The following LINGO2 variants were observed in gnomAD, a reference collection of about 807,000 sequenced individuals.
LINGO2 encodes the protein leucine-rich repeat and immunoglobulin-like domain-containing nogo receptor-interacting protein 2.
In LINGO2, 14 loss-of-function variants were observed where a neutral mutation model predicts 30.6. The ratio of observed to expected loss-of-function variants is 0.46; its 90% confidence interval spans 0.30 to 0.72. The LOEUF (loss-of-function observed/expected upper bound fraction) is 0.72. Among genes scored for constraint, LINGO2 ranks in the 30% least tolerant of loss-of-function variants. The pLI is 0.07. For missense variants in LINGO2, 729 were observed against 751.7 expected (o/e 0.97, Z 0.35); for synonymous variants, 317 against 288.5 (o/e 1.10, Z -1.00).
chr9:28,197,862 T>TA (rs145482154), intron 4 of LINGO2, among the ~76,000 whole-genome samples: 13 of 150,246 alleles, frequency 8.7e-5, no homozygotes, highest in Admixed American at 2.6e-4. Context: ...AAATTTGCAT[T>TA]AAAAAAAAAG....
At chr9:28,634,194 G>A (rs1385400531) in intron 1 of LINGO2, among the ~76,000 whole-genome samples, 3 of 152,084 alleles carry the variant, frequency 2.0e-5, no homozygotes, top group Admixed American at 6.6e-5. Flanking sequence ...TCTCACATAT[G>A]TTCCACTTGT....
the LINGO2 span, among the ~76,000 whole-genome samples, chr9:28,995,588 C>G: frequency 6.6e-6 from 1 of 152,072 alleles, no homozygotes; most frequent in Non-Finnish European, 1.5e-5. Context: ...TATTGCCGCA[C>G]TATTCACAAT....
At chr9:28,759,451 G>A in the LINGO2 span, among the ~76,000 whole-genome samples, 1 of 151,994 alleles carries the variant, frequency 6.6e-6, no homozygotes, top group African/African-American at 2.4e-5. Flanking sequence ...GGGAGGACGA[G>A]GCGGGTGGAT....
intron 4 of LINGO2, among the ~76,000 whole-genome samples, chr9:28,054,493 ATATATTAGG>A (rs1263473173): frequency 1.3e-5 from 2 of 152,168 alleles, no homozygotes; most frequent in African/African-American, 4.8e-5. Context: ...CTAACGTAGT[ATATATTAGG>A]TATATTAAGA....
the LINGO2 span, among the ~76,000 whole-genome samples, chr9:28,920,739 C>G: frequency 6.6e-6 from 1 of 151,732 alleles, no homozygotes; most frequent in African/African-American, 2.4e-5. Flanking sequence ...CACACACACA[C>G]ACGCACACAA....
At chr9:29,081,053 G>A in the LINGO2 span, among the ~76,000 whole-genome samples, 1 of 151,914 alleles carries the variant, frequency 6.6e-6, no homozygotes, top group Non-Finnish European at 1.5e-5. Flanking sequence ...AGAAAAAGAG[G>A]GAATCCTCCC....
chr9:29,144,082 T>C, the LINGO2 span, among the ~76,000 whole-genome samples: 2 of 152,122 alleles, frequency 1.3e-5, no homozygotes, highest in Admixed American at 6.5e-5. Flanking sequence ...TGGTTGTAGG[T>C]GTGCAGTCTT....
intron 4 of LINGO2, among the ~76,000 whole-genome samples, chr9:28,263,667 G>A (rs933005662): frequency 3.3e-5 from 5 of 151,976 alleles, no homozygotes; most frequent in South Asian, 2.1e-4. Context: ...TCATAGCCAC[G>A]TATGTAGTGT....
At chr9:28,195,750 G>C (rs1317582904) in intron 4 of LINGO2, among the ~76,000 whole-genome samples, 1 of 151,204 alleles carries the variant, frequency 6.6e-6, no homozygotes, top group Admixed American at 6.6e-5. Flanking sequence ...ATAGTTTATA[G>C]CAAAGATGCT....
the LINGO2 span, among the ~76,000 whole-genome samples, chr9:28,751,042 T>C: frequency 6.6e-6 from 1 of 151,732 alleles, no homozygotes; most frequent in Non-Finnish European, 1.5e-5. Context: ...AGGTAGGAGA[T>C]TCGCTTGAGA....
At chr9:29,154,915 C>T in the LINGO2 span, among the ~76,000 whole-genome samples, 5 of 152,198 alleles carry the variant, frequency 3.3e-5, no homozygotes, top group Non-Finnish European at 7.3e-5. Flanking sequence ...ACACCTCAGA[C>T]TCTACAGTCC....
chr9:28,761,486 A>G, the LINGO2 span, among the ~76,000 whole-genome samples: 2 of 148,158 alleles, frequency 1.3e-5, no homozygotes, highest in South Asian at 4.2e-4. Flanking sequence ...ATACATGCGC[A>G]CACACACACA....
At chr9:28,301,799 A>G (rs1824156077) in intron 3 of LINGO2, among the ~76,000 whole-genome samples, 1 of 152,178 alleles carries the variant, frequency 6.6e-6, no homozygotes, top group African/African-American at 2.4e-5. Context: ...GGTCTAAATG[A>G]AATACAGAAT....
chr9:29,167,156 A>C, the LINGO2 span, among the ~76,000 whole-genome samples: 2 of 152,152 alleles, frequency 1.3e-5, no homozygotes, highest in Non-Finnish European at 2.9e-5. Context: ...GATATTCAAG[A>C]ACAGGCCATA....
intron 1 of LINGO2, among the ~76,000 whole-genome samples, chr9:28,637,253 C>T (rs1337147967): frequency 2.6e-5 from 4 of 152,024 alleles, no homozygotes; most frequent in African/African-American, 7.2e-5. Context: ...AATCAGGTAG[C>T]GTGATGCCTC....
At chr9:28,641,945 G>A (rs760713272) in intron 1 of LINGO2, among the ~76,000 whole-genome samples, 1 of 151,920 alleles carries the variant, frequency 6.6e-6, no homozygotes, top group Non-Finnish European at 1.5e-5. Context: ...TCTCCATTCT[G>A]GAAGGTTTAG....
At chr9:28,564,108 G>C (rs1823241628) in intron 1 of LINGO2, among the ~76,000 whole-genome samples, 1 of 151,924 alleles carries the variant, frequency 6.6e-6, no homozygotes, top group Non-Finnish European at 1.5e-5. Context: ...TTAACACATT[G>C]GTAACCATCA....
At chr9:28,933,768 T>A in the LINGO2 span, among the ~76,000 whole-genome samples, 1 of 152,206 alleles carries the variant, frequency 6.6e-6, no homozygotes. Context: ...CGCCCAACAA[T>A]TGCTTGTCCA....
chr9:28,883,968 G>A, the LINGO2 span, among the ~76,000 whole-genome samples: 6 of 151,544 alleles, frequency 4.0e-5, no homozygotes, highest in East Asian at 3.9e-4. Context: ...GTGAGCCACC[G>A]CGCCCGGCTA....
Sources: gnomAD v4.1 joint callset for allele counts (sites outside exome capture counted in the v4.1 genomes callset) on GRCh38, gnomAD v4.1.1 for gene constraint, MANE v1.5 for transcripts, NCBI Gene and HGNC (gene_info 2026-07-23, HGNC 2026-07-21) for gene names.